Variants in NXPE3 observed in about 807,000 individuals in gnomAD.
NXPE3 encodes NXPE family member 3.
In NXPE3, 26 loss-of-function variants were observed where a neutral mutation model predicts 46.1. That is an observed-to-expected ratio of 0.56 (90% confidence interval 0.41 to 0.78). The LOEUF (loss-of-function observed/expected upper bound fraction) is 0.78, where lower values mean the gene tolerates loss of function less well. Ranked by LOEUF, NXPE3 falls within the 30% of genes least tolerant of loss-of-function variation. NXPE3 has a pLI of 0.00. For synonymous variants in NXPE3, 272 were observed against 257.9 expected (o/e 1.05, Z -0.52); for missense variants, 620 against 686.0 (o/e 0.90, Z 1.07).
intron 4 of NXPE3, among the ~76,000 whole-genome samples, chr3:101,800,930 A>G (rs1024283108): frequency 1.3e-5 from 2 of 151,882 alleles, no homozygotes; most frequent in African/African-American, 4.8e-5. Flanking sequence ...GGAGTTGGAT[A>G]TTTCCCTTCT....
At position 101,821,900 on chromosome 3, in the gene NXPE3, T is replaced by A; in HGVS notation, c.1626T>A (p.Ile542=). 6.2e-7 allele frequency: 1 copy of A among 1,614,198 alleles called. No individual in the cohort carries two copies. Among genetic ancestry groups the A allele is most frequent in the Non-Finnish European group, 8.5e-7 (1 of 1,180,030 alleles). The change falls in exon 8 of 8, where the codon ATT becomes ATA. Residue 542 remains isoleucine, a synonymous_variant. Coordinates refer to ENST00000273347, the MANE Select transcript of NXPE3 (RefSeq NM_145037.4). ...ACAAGCTGCATCCAGATGAAGTTAT[T>A]GTGAAGAACCAGCTGGACATGTTCT... is the stretch of plus-strand genomic sequence containing the variant. The part of the protein sequence containing the change: ...LPHKLHPDEV[I]VKNQLDMFLS...
rs768091800 is a variant in NXPE3 at position 101,801,736 on chromosome 3, C to T, written c.595C>T (p.Arg199Cys). 12 of 1,614,068 alleles carry T rather than the reference C, an allele frequency of 7.4e-6. No individual in the cohort carries two copies. In the Admixed American group the frequency reaches 8.3e-5, roughly 11 times the overall value. Residue 199 changes from arginine (R) to cysteine (C), a missense_variant, in exon 5 of 8, where the codon CGC (arginine) becomes TGC (cysteine). By Grantham distance (180) the Arg-to-Cys change is radical. This residue lies in a region of NXPE3 where 511 missense variants were observed against 528.6 expected (regional missense o/e 0.97). Transcript: ENST00000273347. The stretch of plus-strand genomic sequence containing the variant: ...CAGTGAAGGGATCAGAGTTCTTCAG[C>T]GCTTACAGGAAGATAAACCAGACAG... Reference protein sequence around the residue: ...HPSEGIRVLQRLQEDKPDRVY... With the variant: ...HPSEGIRVLQCLQEDKPDRVY...
intron 6 of NXPE3, among the ~76,000 whole-genome samples, chr3:101,815,269 A>G (rs1178950123): frequency 6.6e-6 from 1 of 152,216 alleles, no homozygotes; most frequent in Non-Finnish European, 1.5e-5. Context: ...AACCTTTTGT[A>G]TAATGGAGAA....
Position 101,808,854 on chromosome 3 carries a change from T to TATATATATAC in NXPE3, c.922+1730_922+1731insATATATACAT, listed in dbSNP as rs770360739. Among the ~76,000 whole-genome samples the TATATATATAC allele has an allele frequency of 7.9e-3, 797 of 100,342 alleles. 61 individuals carry two copies. Among genetic ancestry groups the TATATATATAC allele is most frequent in the South Asian group, 0.012 (38 of 3,170 alleles). 65.8% of individuals were successfully genotyped at this position (100,342 alleles called of 152,430 possible). On this transcript the variant is annotated intron_variant, in intron 6 of 7. Transcript: ENST00000273347. Reference sequence around the variant, plus strand: ...ATATATATATATATATATATATATATATGAGACATTTATCTTTTATCTGTT... The same window carrying TATATATATAC: ...ATATATATATATATATATATATATATATATATATACATGAGACATTTATCTTTTATCTGTT...
At position 101,807,093 on chromosome 3, in the gene NXPE3, G is replaced by A; in HGVS notation, c.889G>A (p.Asp297Asn). ...AATGCCAGTCAACTCCAGTGGACCT[G>A]ATTGGGTAACTGTGATTCCCAGGAG... ...IKMPVNSSGP[D>N]WVTVIPRRIK... is the part of the protein sequence containing the mutation. The change falls in exon 6 of 8, where the codon GAT becomes AAT. Residue 297 changes from aspartate to asparagine, a missense_variant. Asp to Asn is a conservative substitution (Grantham distance 23, BLOSUM62 1). Transcript: ENST00000273347. The A allele has an allele frequency of 1.2e-6, 2 of 1,613,546 alleles. No individual in the cohort carries two copies. The highest frequency in any genetic ancestry group is 1.7e-6 in the Non-Finnish European group (2 of 1,179,568).
rs78410316 is a variant in NXPE3 at position 101,801,951 on chromosome 3, A to G, written c.810A>G (p.Lys270=). The G allele has an allele frequency of 6.8e-5, 109 of 1,613,420 alleles. 1 individual carries two copies. In the African/African-American group the frequency reaches 1.3e-3, roughly 19 times the overall value. The change falls in exon 5 of 8, where the codon AAA becomes AAG. Residue 270 remains lysine, a synonymous_variant. Coordinates refer to ENST00000273347, the MANE Select transcript of NXPE3 (RefSeq NM_145037.4). ...CCCATTTCAAAGGTGGATACCTGAAAGGTCTCCTAACCGCTGCAGAGAGTG... is the reference window on the plus strand; with the variant it reads ...CCCATTTCAAAGGTGGATACCTGAAGGGTCTCCTAACCGCTGCAGAGAGTG... ...RITHFKGGYL[K]GLLTAAESAF...
Position 101,822,113 on chromosome 3 carries a change from G to A in NXPE3, c.*159G>A, listed in dbSNP as rs1413230607. On this transcript the variant is annotated 3_prime_UTR_variant, in exon 8 of 8. Transcript: ENST00000273347. Reference sequence around the variant, plus strand: ...ATGACTTATAAGGAGCTTAGAAAATGCAGGTTACATTTATATCTACCTATA... The same window carrying A: ...ATGACTTATAAGGAGCTTAGAAAATACAGGTTACATTTATATCTACCTATA... The A allele has an allele frequency of 1.6e-6, 1 of 641,230 alleles. No homozygotes were observed. The highest frequency in any genetic ancestry group is 2.1e-5 in the South Asian group (1 of 46,920). 39.7% of individuals were successfully genotyped at this position (641,230 alleles called of 1,614,324 possible).
At chr3:101,818,737 ATATATATATATATATATTTTTTTTTT>A (rs1370447691) in intron 7 of NXPE3, among the ~76,000 whole-genome samples, 11 of 27,186 alleles carry the variant, frequency 4.0e-4, no homozygotes, top group African/African-American at 1.5e-3. Context: ...ATATATATAT[ATATATATATATATATATTTTTTTTTT>A]TTTTTTTTTT....
chr3:101,792,619 C>G (rs561737716), intron 4 of NXPE3, among the ~76,000 whole-genome samples: 2 of 152,214 alleles, frequency 1.3e-5, no homozygotes, highest in African/African-American at 2.4e-5. Context: ...TTTTGTTGGT[C>G]TCTGTGCCTG....
chr3:101,799,879 C>G (rs2107291189), intron 4 of NXPE3, among the ~76,000 whole-genome samples: 1 of 152,230 alleles, frequency 6.6e-6, no homozygotes, highest in East Asian at 1.9e-4. Flanking sequence ...TTCCTTTATT[C>G]CTTTAATGTC....
chr3:101,800,868 T>G lies in NXPE3; in HGVS notation c.94-367T>G, dbSNP rs144588490. On this transcript the variant is annotated intron_variant, in intron 4 of 7. Transcript: ENST00000273347. ...GTATATCTTTCTCCATTCCTTTACT[T>G]TTTTCTTGGTGTTTCTCCATCTTAG... Among the ~76,000 whole-genome samples, 476 of 152,292 alleles carry G rather than the reference T, an allele frequency of 3.1e-3. 1 individual carries two copies. Among genetic ancestry groups the G allele is most frequent in the Non-Finnish European group, 4.8e-3 (326 of 68,022 alleles).
rs1306370319 is a variant in NXPE3 at position 101,826,568 on chromosome 3, G to A, written c.*4614G>A. On this transcript the variant is annotated 3_prime_UTR_variant, in exon 8 of 8. Transcript: ENST00000273347. ...TTTTTCATTTGAAGGTGAGACCACAGCCCCTGAGTGCTAAGGGGACCTGGG... is the reference window on the plus strand; with the variant it reads ...TTTTTCATTTGAAGGTGAGACCACAACCCCTGAGTGCTAAGGGGACCTGGG... The A allele has an allele frequency of 1.3e-5, 2 of 152,120 alleles. No homozygotes were observed. The highest frequency in any genetic ancestry group is 2.4e-5 in the African/African-American group (1 of 41,408). 9.4% of individuals were successfully genotyped at this position (152,120 alleles called of 1,614,324 possible). A position where few individuals can be genotyped will look rare whatever the true frequency, so the allele number is the denominator to read the frequency against.
chr3:101,789,928 C>A (rs558729959), intron 4 of NXPE3, among the ~76,000 whole-genome samples: 2 of 152,072 alleles, frequency 1.3e-5, no homozygotes, highest in East Asian at 3.8e-4. Context: ...TGGACTCAAG[C>A]GATCCTCCTG....
At chr3:101,785,908 G>C (rs978110603) in intron 4 of NXPE3, among the ~76,000 whole-genome samples, 2 of 152,122 alleles carry the variant, frequency 1.3e-5, no homozygotes, top group Non-Finnish European at 2.9e-5. Context: ...TTTCTTTCTA[G>C]TGCTCACATA....
At chr3:101,787,218 A>G (rs1362685072) in intron 4 of NXPE3, among the ~76,000 whole-genome samples, 1 of 152,076 alleles carries the variant, frequency 6.6e-6, no homozygotes, top group African/African-American at 2.4e-5. Context: ...TGCCCCTGGC[A>G]TTCACTCTTC....
At chr3:101,791,544 T>C (rs34161138) in intron 4 of NXPE3, among the ~76,000 whole-genome samples, 46,778 of 151,870 alleles carry the variant, frequency 0.31, 7,409 homozygotes, top group Non-Finnish European at 0.34. Context: ...CACCACCACG[T>C]CTGGCTAATT....
At chr3:101,795,433 A>G (rs1320102975) in intron 4 of NXPE3, among the ~76,000 whole-genome samples, 1 of 151,572 alleles carries the variant, frequency 6.6e-6, no homozygotes, top group Non-Finnish European at 1.5e-5. Context: ...CATGAGAATC[A>G]CTTGAATCTG....
intron 5 of NXPE3, 27 bp from the exon 6 acceptor site, chr3:101,807,026 G>A (rs1363688958): frequency 6.6e-7 from 1 of 1,524,392 alleles, no homozygotes; most frequent in Non-Finnish European, 9.1e-7. Context: ...CTGAACCTGA[G>A]CTTGTGCTTT....
intron 7 of NXPE3, among the ~76,000 whole-genome samples, chr3:101,817,978 C>T (rs1942043034): frequency 6.6e-6 from 1 of 152,258 alleles, no homozygotes; most frequent in East Asian, 1.9e-4. Flanking sequence ...GCAGCCTCAA[C>T]CTCCTGGGCT....
Sources: allele counts gnomAD v4.1 joint callset (sites outside exome capture counted in the v4.1 genomes callset), GRCh38; gene constraint gnomAD v4.1.1; regional missense constraint gnomAD v4.1.1; transcripts MANE v1.5; gene names NCBI Gene and HGNC (gene_info 2026-07-23, HGNC 2026-07-21).